Variants in SPAST observed in about 807,000 individuals in gnomAD.
The protein encoded by SPAST is spastin.
A neutral mutation model predicts 76.6 loss-of-function variants in SPAST; 30 were observed. The ratio of observed to expected loss-of-function variants is 0.39; its 90% CI spans 0.29 to 0.53. The LOEUF is 0.53. SPAST is among the 20% of genes least tolerant of loss of function. SPAST has a pLI of 0.68. For missense variants in SPAST, 717 were observed against 770.5 expected (o/e 0.93, Z 0.82); for synonymous variants, 305 against 281.0 (o/e 1.09, Z -0.86).
At position 32,064,100 on chromosome 2, in the gene SPAST, A is replaced by G. The variant is rs765434650; in HGVS notation, c.269A>G (p.Lys90Arg). 3.7e-6 allele frequency: 6 copies of G among 1,608,674 alleles called. 1 individual carries two copies. Among genetic ancestry groups the G allele is most frequent in the Non-Finnish European group, 4.2e-6 (5 of 1,177,920 alleles). The change falls in exon 1 of 17, where the codon AAG becomes AGG. Residue 90 changes from lysine to arginine, a missense_variant. Transcript: ENST00000315285. Reference protein sequence around the residue: ...QRFSRALMAAKRSSGAAPAPA... With the variant: ...QRFSRALMAARRSSGAAPAPA... The stretch of plus-strand genomic sequence containing the variant: ...TTCTCCCGCGCCCTCATGGCAGCCA[A>G]GAGGAGCTCCGGGGCCGCGCCAGCA...
At chr2:32,114,045 G>A (rs1678727656) in intron 4 of SPAST, among the ~76,000 whole-genome samples, 2 of 151,900 alleles carry the variant, frequency 1.3e-5, no homozygotes, top group African/African-American at 2.4e-5. Flanking sequence ...CGTGGTTCAA[G>A]CAATTCTCCT....
Position 32,084,285 on chromosome 2 carries a change from G to A in SPAST, c.416-3207G>A, listed in dbSNP as rs369061652. 1.9e-4 allele frequency among the ~76,000 whole-genome samples: 28 copies of A among 149,716 alleles called. No homozygotes were observed. The East Asian group carries it at 3.3e-3, about 18-fold the overall frequency. On this transcript the variant is annotated intron_variant, in intron 1 of 16. Transcript: ENST00000315285. ...ACGCCATTCTCCTGCCTCAGCCTCCGGAGTAGCTGGGACTACAGGCGCCCG... is the reference window on the plus strand; with the variant it reads ...ACGCCATTCTCCTGCCTCAGCCTCCAGAGTAGCTGGGACTACAGGCGCCCG...
chr2:32,122,271 C>T (rs746738387), intron 7 of SPAST, among the ~76,000 whole-genome samples: 10 of 152,014 alleles, frequency 6.6e-5, no homozygotes, highest in African/African-American at 9.7e-5. Context: ...TGGGAGGAGA[C>T]GACTTTGTTT....
chr2:32,070,351 A>G (rs1676697743), intron 1 of SPAST, among the ~76,000 whole-genome samples: 1 of 152,016 alleles, frequency 6.6e-6, no homozygotes, highest in South Asian at 2.1e-4. Context: ...TACAGGTATG[A>G]CCCACTGCAC....
At chr2:32,065,164 C>A (rs1676459536) in intron 1 of SPAST, among the ~76,000 whole-genome samples, 1 of 151,940 alleles carries the variant, frequency 6.6e-6, no homozygotes, top group African/African-American at 2.4e-5. Flanking sequence ...GGATTACAGG[C>A]ACGCACCACC....
intron 8 of SPAST, 31 bp downstream of exon 8, chr2:32,127,053 G>C (rs772711575): frequency 1.3e-5 from 18 of 1,437,092 alleles, no homozygotes; most frequent in Non-Finnish European, 1.7e-5. Flanking sequence ...TGAGTTTTCT[G>C]TTGAGATATT....
chr2:32,089,218 T>TTTTTTTTTTTTTTTTTTTTTTTA (rs375850129), intron 2 of SPAST, among the ~76,000 whole-genome samples: 1 of 129,974 alleles, frequency 7.7e-6, no homozygotes, highest in African/African-American at 2.9e-5. Flanking sequence ...TTTTTTTTTT[T>TTTTTTTTTTTTTTTTTTTTTTTA]AAGTAGAGAC....
intron 4 of SPAST, among the ~76,000 whole-genome samples, chr2:32,103,753 C>T (rs1289195578): frequency 1.3e-5 from 2 of 152,108 alleles, no homozygotes; most frequent in Non-Finnish European, 2.9e-5. Flanking sequence ...GCAGGTTGTT[C>T]AGTTTCCATG....
chr2:32,064,106 G>C lies in SPAST; in HGVS notation c.275G>C (p.Ser92Thr). ...FSRALMAAKRSSGAAPAPASA... is the reference protein window; with the variant it reads ...FSRALMAAKRTSGAAPAPASA... The stretch of plus-strand genomic sequence containing the variant: ...CGCGCCCTCATGGCAGCCAAGAGGA[G>C]CTCCGGGGCCGCGCCAGCACCTGCC... Residue 92 changes from serine (S) to threonine (T), a missense_variant, in exon 1 of 17, where the codon AGC becomes ACC. By Grantham distance (58) the Ser-to-Thr change is moderately conservative. Around this residue, in one of 3 missense-constraint regions of SPAST, gnomAD observed 543 missense variants for 445.2 expected, o/e 1.22. Coordinates refer to ENST00000315285, the MANE Select transcript of SPAST (RefSeq NM_014946.4). 6.2e-7 allele frequency: 1 copy of C among 1,605,016 alleles called. No individual in the cohort carries two copies. Among genetic ancestry groups the C allele is most frequent in the Non-Finnish European group, 8.5e-7 (1 of 1,176,198 alleles).
At chr2:32,102,562 A>G (rs942514046) in intron 4 of SPAST, among the ~76,000 whole-genome samples, 7 of 152,210 alleles carry the variant, frequency 4.6e-5, no homozygotes, top group Non-Finnish European at 8.8e-5. Context: ...TTCAAAGGGA[A>G]TGCTTCCAGT....
At chr2:32,089,892 T>C (rs1400224189) in intron 3 of SPAST, among the ~76,000 whole-genome samples, 1 of 152,004 alleles carries the variant, frequency 6.6e-6, no homozygotes, top group Non-Finnish European at 1.5e-5. Flanking sequence ...GCCTCCTGAG[T>C]AGCTGGGACT....
intron 4 of SPAST, among the ~76,000 whole-genome samples, chr2:32,112,267 A>C (rs1190141308): frequency 6.6e-6 from 1 of 151,270 alleles, no homozygotes; most frequent in Non-Finnish European, 1.5e-5. Flanking sequence ...GTTATTATTG[A>C]CTATTGATGC....
At chr2:32,091,680 A>G (rs1346925369) in intron 3 of SPAST, among the ~76,000 whole-genome samples, 1 of 151,762 alleles carries the variant, frequency 6.6e-6, no homozygotes, top group Non-Finnish European at 1.5e-5. Context: ...AAAAAATACA[A>G]AAAACTAGCC....
intron 12 of SPAST, among the ~76,000 whole-genome samples, chr2:32,141,121 A>G (rs373087675): frequency 5.8e-4 from 89 of 152,152 alleles, no homozygotes; most frequent in African/African-American, 2.1e-3. Context: ...AGCCTCCCTC[A>G]CTTACAGTGA....
chr2:32,127,285 G>C (rs1290715027), intron 8 of SPAST: 1 of 436,564 alleles, frequency 2.3e-6, no homozygotes, highest in Non-Finnish European at 4.2e-6. Flanking sequence ...ACCTGTCTAG[G>C]TTTTTTATTT....
Position 32,066,994 on chromosome 2 carries a change from C to CAAAAAAAA in SPAST, c.415+2754_415+2761dup, listed in dbSNP as rs1553395256. 6.4e-5 allele frequency among the ~76,000 whole-genome samples: 3 copies of CAAAAAAAA among 47,124 alleles called. No homozygotes were observed. In the South Asian group the frequency reaches 3.1e-3, roughly 49 times the overall value. The allele number at this position is 47,124 out of a possible 152,430, so 30.9% of individuals were successfully genotyped here. ...TCTCAAAAAAAAAAAAAAAAAAAAC[C>CAAAAAAAA]AAAAAAAAAAAAACTGTTTTAATTG... On this transcript the variant is annotated intron_variant, in intron 1 of 16. Transcript: ENST00000315285.
chr2:32,147,299 T>C (rs763882046), intron 16 of SPAST, 41 bp downstream of exon 16: 11 of 1,335,764 alleles, frequency 8.2e-6, no homozygotes, highest in African/African-American at 7.2e-5. Flanking sequence ...TCTTCTATAT[T>C]GTAAGACATA....
chr2:32,149,240 C>T (rs1679996094), intron 16 of SPAST, among the ~76,000 whole-genome samples: 2 of 143,674 alleles, frequency 1.4e-5, no homozygotes, highest in Non-Finnish European at 3.0e-5. Flanking sequence ...CAGGCATGGG[C>T]CACCACGCCC....
intron 1 of SPAST, among the ~76,000 whole-genome samples, chr2:32,071,008 G>A (rs1396077524): frequency 6.6e-6 from 1 of 152,152 alleles, no homozygotes; most frequent in Non-Finnish European, 1.5e-5. Flanking sequence ...TATACTGCAG[G>A]TTTTTATGTT....
Sources: gnomAD v4.1 joint callset for allele counts (sites outside exome capture counted in the v4.1 genomes callset) on GRCh38, gnomAD v4.1.1 for gene constraint, gnomAD v4.1.1 regional missense constraint, MANE v1.5 for transcripts, NCBI Gene and HGNC (gene_info 2026-07-23, HGNC 2026-07-21) for gene names.